Variants in PTPRD observed in about 807,000 individuals in gnomAD.
The protein encoded by PTPRD is protein tyrosine phosphatase receptor type D.
Under a neutral mutation model 214.5 loss-of-function variants are expected in PTPRD, and 34 were observed. That is an observed-to-expected ratio of 0.16 (90% CI 0.12 to 0.21). The LOEUF is 0.21. PTPRD is among the 10% of genes least tolerant of loss of function. PTPRD has a pLI of 1.00. For synonymous variants in PTPRD, 1,128 were observed against 845.7 expected, an observed-to-expected ratio of 1.33 and a Z score of -5.79; for missense variants, 2,545 against 2,398.7, an observed-to-expected ratio of 1.06 and a Z score of -1.27.
At chr9:8,337,867 AG>A (rs1458328434) in intron 43 of PTPRD, among the ~76,000 whole-genome samples, 1 of 147,526 alleles carries the variant, frequency 6.8e-6, no homozygotes, top group Non-Finnish European at 1.5e-5. Flanking sequence ...ATTCTGAAAG[AG>A]CACTATTTTT....
intron 14 of PTPRD, among the ~76,000 whole-genome samples, chr9:8,577,069 T>C (rs1297738048): frequency 2.0e-5 from 3 of 152,112 alleles, no homozygotes; most frequent in Admixed American, 2.0e-4. Context: ...CTGATTCAAG[T>C]CTTTTTGCTT....
intron 3 of PTPRD, among the ~76,000 whole-genome samples, chr9:10,218,101 A>G (rs2099550050): frequency 6.6e-6 from 1 of 151,894 alleles, no homozygotes; most frequent in South Asian, 2.1e-4. Flanking sequence ...AAACTATTAG[A>G]TTTTTATTAG....
intron 7 of PTPRD, among the ~76,000 whole-genome samples, chr9:9,598,835 G>A (rs189900311): frequency 8.4e-4 from 128 of 151,956 alleles, no homozygotes; most frequent in Non-Finnish European, 1.3e-3. Context: ...TTGAATTCTG[G>A]CTTTACTAAT....
At chr9:8,895,803 C>T (rs558710061) in intron 11 of PTPRD, among the ~76,000 whole-genome samples, 3 of 152,244 alleles carry the variant, frequency 2.0e-5, no homozygotes, top group African/African-American at 7.2e-5. Flanking sequence ...CTAGATTTAA[C>T]TCTCATATAT....
At chr9:10,509,564 TATA>T (rs1566621868) in intron 2 of PTPRD, among the ~76,000 whole-genome samples, 3 of 36,182 alleles carry the variant, frequency 8.3e-5, no homozygotes, top group African/African-American at 1.5e-4. Flanking sequence ...ATATTATATA[TATA>T]TATATATATA....
chr9:9,066,746 G>A (rs1293866264), intron 10 of PTPRD, among the ~76,000 whole-genome samples: 6 of 152,174 alleles, frequency 3.9e-5, no homozygotes, highest in Non-Finnish European at 8.8e-5. Context: ...CCATAAGCCC[G>A]ACCATGGGGT....
In PTPRD at chr9:9,024,557, T is replaced by A. The variant is rs534551377; in HGVS notation, c.-142-5822A>T. On this transcript the variant is annotated intron_variant, in intron 10 of 45. Coordinates refer to ENST00000381196, the MANE Select transcript of PTPRD (RefSeq NM_002839.4). ...CACTCCTACAAGCAAGATAGGAGAG[T>A]TCCAACTTCTCCACACTGAAGCTAA... Among the ~76,000 whole-genome samples, 3 of 151,774 alleles carry A rather than the reference T, an allele frequency of 2.0e-5. No individual in the cohort carries two copies. In the South Asian group the frequency reaches 6.2e-4, roughly 32 times the overall value.
intron 2 of PTPRD, among the ~76,000 whole-genome samples, chr9:10,584,330 T>C (rs918060340): frequency 1.3e-5 from 2 of 152,208 alleles, no homozygotes; most frequent in African/African-American, 4.8e-5. Context: ...ACCAATGAGA[T>C]GCACTTGTAC....
chr9:8,724,011 T>C (rs1170548955), intron 12 of PTPRD, among the ~76,000 whole-genome samples: 1 of 152,200 alleles, frequency 6.6e-6, no homozygotes. Context: ...TTAAAACTTT[T>C]ATGAGAGAAC....
At chr9:10,472,351 T>G (rs1220706240) in intron 2 of PTPRD, among the ~76,000 whole-genome samples, 1 of 152,176 alleles carries the variant, frequency 6.6e-6, no homozygotes, top group Admixed American at 6.6e-5. Flanking sequence ...CTATTCAATA[T>G]TTGTTAAGTT....
chr9:9,324,495 G>T (rs7467388), intron 9 of PTPRD, among the ~76,000 whole-genome samples: 1 of 151,338 alleles, frequency 6.6e-6, no homozygotes, highest in East Asian at 2.0e-4. Context: ...CTTCTTTTGA[G>T]AAGTGTCTGT....
chr9:9,625,719 T>G (rs1035154645), intron 7 of PTPRD, among the ~76,000 whole-genome samples: 1 of 152,158 alleles, frequency 6.6e-6, no homozygotes, highest in African/African-American at 2.4e-5. Context: ...AAGGGAATTA[T>G]GAGGCCATTA....
intron 10 of PTPRD, among the ~76,000 whole-genome samples, chr9:9,039,319 G>A (rs1305105188): frequency 2.0e-5 from 3 of 152,190 alleles, no homozygotes; most frequent in African/African-American, 7.2e-5. Flanking sequence ...CCCCATTTAA[G>A]GGATGGGTTC....
chr9:10,355,678 A>G (rs981670340), intron 2 of PTPRD, among the ~76,000 whole-genome samples: 1 of 152,034 alleles, frequency 6.6e-6, no homozygotes, highest in Non-Finnish European at 1.5e-5. Flanking sequence ...GGGTTTCACC[A>G]TGTTGGTCAG....
intron 32 of PTPRD, among the ~76,000 whole-genome samples, chr9:8,462,150 G>C (rs1222113814): frequency 6.6e-6 from 1 of 151,914 alleles, no homozygotes; most frequent in Non-Finnish European, 1.5e-5. Context: ...GTTCAAATTA[G>C]TATGAGTTTC....
chr9:10,493,366 A>G (rs751484261), intron 2 of PTPRD, among the ~76,000 whole-genome samples: 7 of 152,130 alleles, frequency 4.6e-5, no homozygotes, highest in Non-Finnish European at 8.8e-5. Context: ...AGCCTACAGT[A>G]AACAAAACAG....
intron 10 of PTPRD, among the ~76,000 whole-genome samples, chr9:9,170,205 A>C (rs2099911754): frequency 1.3e-5 from 2 of 152,208 alleles, no homozygotes; most frequent in Admixed American, 6.5e-5. Flanking sequence ...CATTGTGTTT[A>C]GATTTCTCAG....
chr9:8,700,013 T>C (rs2098036608), intron 12 of PTPRD, among the ~76,000 whole-genome samples: 1 of 152,194 alleles, frequency 6.6e-6, no homozygotes, highest in Admixed American at 6.5e-5. Context: ...TCTTAAAATA[T>C]GGGACATACA....
intron 11 of PTPRD, among the ~76,000 whole-genome samples, chr9:8,901,349 A>T (rs975360601): frequency 3.9e-5 from 6 of 152,236 alleles, no homozygotes; most frequent in African/African-American, 1.4e-4. Context: ...CCTTTCCTCA[A>T]TTATGACAGT....
Sources: gnomAD v4.1 joint callset for allele counts (sites outside exome capture counted in the v4.1 genomes callset) on GRCh38, gnomAD v4.1.1 for gene constraint, MANE v1.5 for transcripts, NCBI Gene and HGNC (gene_info 2026-07-23, HGNC 2026-07-21) for gene names.